Variants in NCAM2 observed in about 807,000 individuals in gnomAD.
The protein encoded by NCAM2 is neural cell adhesion molecule 2.
A neutral mutation model predicts 98.1 loss-of-function variants in NCAM2; 30 were observed. The observed-to-expected ratio is 0.31, with a 90% CI of 0.23 to 0.41. The LOEUF (loss-of-function observed/expected upper bound fraction) is 0.41. Among genes scored for constraint, NCAM2 ranks in the 10% least tolerant of loss-of-function variants. NCAM2 has a pLI of 1.00. For synonymous variants in NCAM2, 368 were observed against 342.4 expected (o/e 1.07, Z -0.83); for missense variants, 867 against 1,005.8 (o/e 0.86, Z 1.87).
At chr21:21,293,654 A>G (rs531716034) in intron 5 of NCAM2, among the ~76,000 whole-genome samples, 3 of 151,890 alleles carry the variant, frequency 2.0e-5, no homozygotes, top group Admixed American at 2.0e-4. Context: ...AAATAGGGAG[A>G]TGTCTGTATC....
intron 17 of NCAM2, 128 bp downstream of exon 17, chr21:21,534,784 G>A: frequency 1.1e-6 from 1 of 949,638 alleles, no homozygotes; most frequent in Non-Finnish European, 1.4e-6. Flanking sequence ...CTTTTTTGAT[G>A]AAAGTACATG....
intron 1 of NCAM2, among the ~76,000 whole-genome samples, chr21:21,191,481 C>G (rs577336963): frequency 6.6e-6 from 1 of 152,120 alleles, no homozygotes; most frequent in African/African-American, 2.4e-5. Flanking sequence ...ACATGCTTTA[C>G]TTTAAATCAG....
At chr21:21,326,191 G>A (rs1024634055) in intron 6 of NCAM2, among the ~76,000 whole-genome samples, 1 of 152,128 alleles carries the variant, frequency 6.6e-6, no homozygotes, top group Non-Finnish European at 1.5e-5. Context: ...TACAGTGTTA[G>A]AACATATGTC....
intron 1 of NCAM2, among the ~76,000 whole-genome samples, chr21:21,154,646 T>A (rs2067554948): frequency 6.6e-6 from 1 of 151,896 alleles, no homozygotes; most frequent in African/African-American, 2.4e-5. Context: ...ACACTTTTCT[T>A]CATCTGTGTA....
chr21:21,002,664 T>A (rs1480222011), intron 1 of NCAM2, among the ~76,000 whole-genome samples: 2 of 152,168 alleles, frequency 1.3e-5, no homozygotes. Flanking sequence ...CAGCAATGAA[T>A]TTTTGAGAGC....
At chr21:21,170,958 A>AG (rs397800120) in intron 1 of NCAM2, among the ~76,000 whole-genome samples, 1 of 151,832 alleles carries the variant, frequency 6.6e-6, no homozygotes, top group Non-Finnish European at 1.5e-5. Context: ...CTAAAAAAAA[A>AG]TGTTACGAGT....
rs910821180 is a variant in NCAM2, at chr21:20,998,742, G to T, written c.55+124G>T. The T allele has an allele frequency of 2.3e-5, 22 of 939,956 alleles. No homozygotes were observed. In the Admixed American group the frequency reaches 3.5e-4, roughly 15 times the overall value. 58.2% of individuals were successfully genotyped at this position (939,956 alleles called of 1,614,324 possible). A position where few individuals can be genotyped will look rare whatever the true frequency, so the allele number is the denominator to read the frequency against. On this transcript the variant is annotated intron_variant, in intron 1 of 17. Transcript: ENST00000400546. ...TAAAGTTACAGTTATTGCTGTTGTT[G>T]TTATTATTATTTTCGTTCTTTCTCC...
chr21:21,173,431 C>T (rs1462542733), intron 1 of NCAM2, among the ~76,000 whole-genome samples: 1 of 152,152 alleles, frequency 6.6e-6, no homozygotes, highest in East Asian at 1.9e-4. Flanking sequence ...AGCAATGAAC[C>T]TTGTATTTAG....
rs375383878 is a variant in NCAM2 at position 21,322,371 on chromosome 21, A to T, written c.620-2012A>T. Among the ~76,000 whole-genome samples, 76 of 152,234 alleles carry T rather than the reference A, an allele frequency of 5.0e-4. 1 individual carries two copies. In the East Asian group the frequency reaches 7.9e-3, roughly 16 times the overall value. ...GGGTATCATGCTAACTATCTGGATG[A>T]CAGAACCACCTTTACCCCAAACCTC... On this transcript the variant is annotated intron_variant, in intron 5 of 17. Transcript: ENST00000400546.
intron 8 of NCAM2, among the ~76,000 whole-genome samples, chr21:21,350,168 A>T (rs961871645): frequency 1.3e-5 from 2 of 152,100 alleles, no homozygotes; most frequent in African/African-American, 4.8e-5. Context: ...AAAACATCTC[A>T]TGTACCCCAC....
chr21:21,297,891 G>T (rs1428424087), intron 5 of NCAM2, among the ~76,000 whole-genome samples: 2 of 151,742 alleles, frequency 1.3e-5, no homozygotes, highest in Non-Finnish European at 2.9e-5. Context: ...TTCACTAACT[G>T]CAGGTTCAAA....
chr21:21,220,917 A>T (rs949653822), intron 1 of NCAM2, among the ~76,000 whole-genome samples: 1 of 152,196 alleles, frequency 6.6e-6, no homozygotes, highest in African/African-American at 2.4e-5. Flanking sequence ...CAGATATTTC[A>T]TATTTTACAA....
At chr21:21,445,104 C>T (rs1021869367) in intron 12 of NCAM2, among the ~76,000 whole-genome samples, 5 of 152,102 alleles carry the variant, frequency 3.3e-5, no homozygotes, top group Non-Finnish European at 7.4e-5. Context: ...AGGAGTCATT[C>T]AGGAGCAGAT....
intron 1 of NCAM2, among the ~76,000 whole-genome samples, chr21:21,178,122 A>G (rs1019323049): frequency 1.3e-5 from 2 of 152,184 alleles, no homozygotes; most frequent in Non-Finnish European, 2.9e-5. Flanking sequence ...ATTGACAATT[A>G]GTTACAAAAT....
intron 1 of NCAM2, among the ~76,000 whole-genome samples, chr21:21,070,013 C>A (rs988454610): frequency 9.2e-5 from 14 of 152,026 alleles, no homozygotes; most frequent in African/African-American, 2.2e-4. Flanking sequence ...TGTTTTTGTG[C>A]ATGTGTATGC....
chr21:21,442,108 G>A (rs1979372451), intron 12 of NCAM2, among the ~76,000 whole-genome samples: 1 of 152,076 alleles, frequency 6.6e-6, no homozygotes, highest in Admixed American at 6.6e-5. Flanking sequence ...TCTTTTTCTG[G>A]TTTTTAGAGG....
At chr21:21,519,848 A>T (rs1355733259) in intron 16 of NCAM2, among the ~76,000 whole-genome samples, 1 of 152,112 alleles carries the variant, frequency 6.6e-6, no homozygotes, top group Non-Finnish European at 1.5e-5. Context: ...AAGCATTCTG[A>T]GACTAGCTCT....
chr21:21,324,280 T>G (rs147927947), intron 5 of NCAM2, 103 bp from the exon 6 acceptor site: 1 of 734,772 alleles, frequency 1.4e-6, no homozygotes, highest in African/African-American at 1.7e-5. Flanking sequence ...AATGGAGATG[T>G]GAAGGATGAC....
intron 9 of NCAM2, among the ~76,000 whole-genome samples, chr21:21,375,319 T>C (rs957834388): frequency 2.0e-5 from 3 of 150,952 alleles, no homozygotes; most frequent in African/African-American, 7.3e-5. Context: ...TGGAATTTAC[T>C]AAACTTCGTA....
Sources: allele counts gnomAD v4.1 joint callset (sites outside exome capture counted in the v4.1 genomes callset), GRCh38; gene constraint gnomAD v4.1.1; transcripts MANE v1.5; gene names NCBI Gene and HGNC (gene_info 2026-07-23, HGNC 2026-07-21).